Variants in ERCC3 observed in about 807,000 individuals in gnomAD.
ERCC3 encodes the protein ERCC excision repair 3, TFIIH core complex helicase subunit.
ERCC3 carries 66 observed loss-of-function variants against 94.2 expected under a neutral mutation model. The ratio of observed to expected loss-of-function variants is 0.70; its 90% CI spans 0.57 to 0.86. The LOEUF (loss-of-function observed/expected upper bound fraction) is 0.86. Ranked by LOEUF, ERCC3 falls within the 40% of genes least tolerant of loss-of-function variation. The pLI is 0.00. For synonymous variants in ERCC3, 349 were observed against 369.1 expected, an observed-to-expected ratio of 0.95 and a Z score of 0.63; for missense variants, 829 against 987.1, an observed-to-expected ratio of 0.84 and a Z score of 2.15.
At chr2:127,293,138 G>A (rs1345189837) in intron 2 of ERCC3, among the ~76,000 whole-genome samples, 4 of 152,218 alleles carry the variant, frequency 2.6e-5, no homozygotes, top group African/African-American at 9.6e-5. Flanking sequence ...TCAACTAAAT[G>A]TATAACATTA....
chr2:127,280,959 C>G lies in ERCC3; in HGVS notation c.1343-328G>C. On this transcript the variant is annotated intron_variant, in intron 8 of 14. Transcript: ENST00000285398. This position sits in a 1 kb window ranked among gnomAD's most constrained non-coding sequence, Gnocchi z 6.3. ...AAGAATGACTAGGCAAATGCTTCAC[C>G]ATCACTTTTAGACCTGTCCAAAAGA... 1 of 492,078 alleles carries G rather than the reference C, an allele frequency of 2.0e-6. No homozygotes were observed. The highest frequency in any genetic ancestry group is 3.6e-6 in the Non-Finnish European group (1 of 281,158). The allele number at this position is 492,078 out of a possible 1,614,324, so 30.5% of individuals were successfully genotyped here.
chr2:127,278,486 G>A (rs904432589), intron 10 of ERCC3, among the ~76,000 whole-genome samples: 1 of 151,968 alleles, frequency 6.6e-6, no homozygotes, highest in African/African-American at 2.4e-5. Context: ...CTATAAAATG[G>A]GAACAACATT....
At position 127,279,315 on chromosome 2, in the gene ERCC3, G is replaced by T. The variant is rs1302552127; in HGVS notation, c.1588C>A (p.Arg530=). The T allele has an allele frequency of 6.2e-7, 1 of 1,614,076 alleles. No individual in the cohort carries two copies. The highest frequency in any genetic ancestry group is 8.5e-7 in the Non-Finnish European group (1 of 1,179,974). ...GGGTTCATGGTGTACAGCAAGATTC[G>T]TTTCTTGGTTTTGATTGCCACATAT... The part of the protein sequence containing the change: ...REYVAIKTKK[R]ILLYTMNPNK... Residue 530 remains arginine (R), a synonymous_variant, in exon 10 of 15, where the codon CGA becomes AGA. Coordinates refer to ENST00000285398, the MANE Select transcript of ERCC3 (RefSeq NM_000122.2). The surrounding 1 kb of genome is among the most constrained non-coding windows in gnomAD (Gnocchi z 4.7).
Position 127,274,309 on chromosome 2 carries a change from C to T in ERCC3, c.1731-1348G>A, listed in dbSNP as rs145935968. Among the ~76,000 whole-genome samples the T allele has an allele frequency of 0.022, 3,318 of 148,406 alleles. 121 individuals are homozygous for T. Among genetic ancestry groups the T allele is most frequent in the African/African-American group, 0.078 (3,143 of 40,236 alleles). ...CAGCCTGGGCAACAGAGTGAGACTCCGTCTCAGAAAAAAAAAAAAAAGAAA... is the reference window on the plus strand; with the variant it reads ...CAGCCTGGGCAACAGAGTGAGACTCTGTCTCAGAAAAAAAAAAAAAAGAAA... On this transcript the variant is annotated intron_variant, in intron 10 of 14. Transcript: ENST00000285398. The surrounding 1 kb of genome is among the most constrained non-coding windows in gnomAD (Gnocchi z 4.0).
rs1227922720 is a variant in ERCC3, at chr2:127,289,322, G to A, written c.822+15C>T. ...AGCTCAGTGAAGGAACCAGGAGGAA[G>A]GTACATTCACTAACCTGCTTGACTT... On this transcript the variant is annotated intron_variant, in intron 6 of 14. Transcript: ENST00000285398. The A allele has an allele frequency of 1.2e-6, 2 of 1,612,386 alleles. No individual in the cohort carries two copies. The highest frequency in any genetic ancestry group is 1.7e-6 in the Non-Finnish European group (2 of 1,178,722).
At chr2:127,263,481 G>A (rs971097955) in intron 12 of ERCC3, among the ~76,000 whole-genome samples, 30 of 152,224 alleles carry the variant, frequency 2.0e-4, no homozygotes, top group African/African-American at 6.3e-4. Flanking sequence ...TTTGAATTCC[G>A]AAACTTTACT....
chr2:127,287,112 A>C (rs1685099152), intron 7 of ERCC3, 95 bp from the exon 8 acceptor site: 1 of 953,150 alleles, frequency 1.0e-6, no homozygotes, highest in Non-Finnish European at 1.6e-6. Context: ...ATCTAGGAAA[A>C]TGTCTTGTAA....
intron 7 of ERCC3, 133 bp from the exon 8 acceptor site, chr2:127,287,150 C>A: frequency 2.9e-6 from 2 of 688,988 alleles, no homozygotes; most frequent in South Asian, 3.4e-5. Flanking sequence ...ATCTGAGCGA[C>A]ACACACTGCT....
At position 127,292,507 on chromosome 2, in the gene ERCC3, AT is replaced by A. The variant is rs1331840990; in HGVS notation, c.471+102del. ...GTTATGCTCCCCACAGGAAATCTGAATGGCACATTCTCATGGCTGCCACAGG... is the reference window on the plus strand; with the variant it reads ...GTTATGCTCCCCACAGGAAATCTGAAGGCACATTCTCATGGCTGCCACAGG... On this transcript the variant is annotated intron_variant, in intron 3 of 14. Transcript: ENST00000285398. The A allele has an allele frequency of 6.0e-6, 5 of 828,032 alleles. No individual in the cohort carries two copies. In the African/African-American group the frequency reaches 8.3e-5, roughly 14 times the overall value. The allele number at this position is 828,032 out of a possible 1,614,324, so 51.3% of individuals were successfully genotyped here. A position where few individuals can be genotyped will look rare whatever the true frequency, so the allele number is the denominator to read the frequency against.
At position 127,257,450 on chromosome 2, in the gene ERCC3, G is replaced by T; in HGVS notation, c.*146C>A. 9.8e-7 allele frequency: 1 copy of T among 1,020,960 alleles called. No homozygotes were observed. 63.2% of individuals were successfully genotyped at this position (1,020,960 alleles called of 1,614,324 possible). A position where few individuals can be genotyped will look rare whatever the true frequency, so the allele number is the denominator to read the frequency against. On this transcript the variant is annotated 3_prime_UTR_variant, in exon 15 of 15. Coordinates refer to ENST00000285398, the MANE Select transcript of ERCC3 (RefSeq NM_000122.2). This position sits in a 1 kb window ranked among gnomAD's most constrained non-coding sequence, Gnocchi z 5.4. The stretch of plus-strand genomic sequence containing the variant: ...ACCCTAGATGACCTATGAAGGCACA[G>T]CCAAGCCCTTGATGCATCTTCCTCA...
chr2:127,258,241 A>AT lies in ERCC3; in HGVS notation c.2218-515dup, dbSNP rs766017528. Among the ~76,000 whole-genome samples, 49 of 152,112 alleles carry AT rather than the reference A, an allele frequency of 3.2e-4. 1 individual carries two copies. The highest frequency in any genetic ancestry group is 6.5e-4 in the Admixed American group (10 of 15,278). Reference sequence around the variant, plus strand: ...AGCCACCATGCCTGGCCTGAACAGAATTTTTTAACAGTTAGGGCAAAAGTT... The same window carrying AT: ...AGCCACCATGCCTGGCCTGAACAGAATTTTTTTAACAGTTAGGGCAAAAGTT... On this transcript the variant is annotated intron_variant, in intron 14 of 14. Transcript: ENST00000285398. This position sits in a 1 kb window ranked among gnomAD's most constrained non-coding sequence, Gnocchi z 4.1.
chr2:127,275,767 G>C (rs1284275602), intron 10 of ERCC3, among the ~76,000 whole-genome samples: 1 of 152,204 alleles, frequency 6.6e-6, no homozygotes, highest in Non-Finnish European at 1.5e-5. Context: ...AACAGGAGAA[G>C]AAATAACAGC....
rs759695823 is a variant in ERCC3 at position 127,257,653 on chromosome 2, C to T, written c.2292G>A (p.Ser764=). ...CATGTTTGCTGGGCGCCTTGCTCCG[C>T]GATGAGTGGTACTCCATGTACACAG... ...DDTVYMEYHS[S]RSKAPSKHVH... The change falls in exon 15 of 15, where the codon TCG becomes TCA. Residue 764 remains serine, a synonymous_variant. Transcript: ENST00000285398. This position sits in a 1 kb window ranked among gnomAD's most constrained non-coding sequence, Gnocchi z 5.4. The T allele has an allele frequency of 1.2e-5, 19 of 1,614,020 alleles. No individual in the cohort carries two copies. The East Asian group carries it at 2.2e-4, about 19-fold the overall frequency.
chr2:127,269,701 G>A (rs1032652639), intron 12 of ERCC3, among the ~76,000 whole-genome samples: 4 of 150,816 alleles, frequency 2.7e-5, no homozygotes, highest in Non-Finnish European at 5.9e-5. Context: ...GATTACAGGC[G>A]TGAGCCACCG....
chr2:127,264,832 T>A lies in ERCC3; in HGVS notation c.1946-3486A>T, dbSNP rs551232292. On this transcript the variant is annotated intron_variant, in intron 12 of 14. Coordinates refer to ENST00000285398, the MANE Select transcript of ERCC3 (RefSeq NM_000122.2). The surrounding 1 kb of genome is among the most constrained non-coding windows in gnomAD (Gnocchi z 4.4). ...GAACTGAATACATCTGGTCCAGGAC[T>A]TTTTTAGTTGGTAGATTTTTTTTTT... is the stretch of plus-strand genomic sequence containing the variant. Among the ~76,000 whole-genome samples the A allele has an allele frequency of 6.6e-6, 1 of 152,086 alleles. No individual in the cohort carries two copies.
At chr2:127,283,799 T>A (rs1180536373) in intron 8 of ERCC3, among the ~76,000 whole-genome samples, 1 of 152,244 alleles carries the variant, frequency 6.6e-6, no homozygotes, top group African/African-American at 2.4e-5. Context: ...AATCTGCAGT[T>A]CCCTGATGAC....
chr2:127,271,196 A>G lies in ERCC3; in HGVS notation c.1945+140T>C. ...AAATAATGATGGGCCATAAGGATCT[A>G]GGTCTTTGCTTTGGGATTCTCTCCC... On this transcript the variant is annotated intron_variant, in intron 12 of 14. Transcript: ENST00000285398. This position sits in a 1 kb window ranked among gnomAD's most constrained non-coding sequence, Gnocchi z 5.0. The G allele has an allele frequency of 2.6e-6, 2 of 755,806 alleles. No individual in the cohort carries two copies. The highest frequency in any genetic ancestry group is 2.4e-5 in the East Asian group (1 of 40,982). The allele number at this position is 755,806 out of a possible 1,614,324, so 46.8% of individuals were successfully genotyped here.
Position 127,289,821 on chromosome 2 carries a change from G to A in ERCC3, c.525C>T (p.Tyr175=), listed in dbSNP as rs1685204861. Residue 175 remains tyrosine, a synonymous_variant, in exon 5 of 15, where the codon TAC becomes TAT. Coordinates refer to ENST00000285398, the MANE Select transcript of ERCC3 (RefSeq NM_000122.2). The part of the protein sequence containing the change: ...KVKLVLKHNR[Y]FVESCHPDVI... Reference sequence around the variant, plus strand: ...CATCAGGGTGGCAACTTTCAACGAAGTATCTGCAAGCAGGGGAGGAAGAAG... The same window carrying A: ...CATCAGGGTGGCAACTTTCAACGAAATATCTGCAAGCAGGGGAGGAAGAAG... The A allele has an allele frequency of 1.2e-6, 2 of 1,614,022 alleles. No individual in the cohort carries two copies. Among genetic ancestry groups the A allele is most frequent in the African/African-American group, 2.7e-5 (2 of 74,914 alleles).
In ERCC3 at chr2:127,272,858, C is replaced by T; in HGVS notation, c.1827+7G>A. 6.2e-7 allele frequency: 1 copy of T among 1,603,758 alleles called. No individual in the cohort carries two copies. The highest frequency in any genetic ancestry group is 8.5e-7 in the Non-Finnish European group (1 of 1,170,608). On this transcript the variant is annotated splice_region_variant and intron_variant, in intron 11 of 14. Transcript: ENST00000285398. ...GGCCTCACCTCCACCCCATATGCCA[C>T]ACAAACCTTGGATATGAAGATGGTG...
Sources: gnomAD v4.1 joint callset for allele counts (sites outside exome capture counted in the v4.1 genomes callset) on GRCh38, gnomAD v4.1.1 for gene constraint, Gnocchi (gnomAD v3.1) non-coding constraint, MANE v1.5 for transcripts, NCBI Gene and HGNC (gene_info 2026-07-23, HGNC 2026-07-21) for gene names.